The following THEMIS variants were observed in gnomAD, a reference collection of about 807,000 sequenced individuals.
THEMIS encodes protein THEMIS.
Under a neutral mutation model 52.6 loss-of-function variants are expected in THEMIS, and 37 were observed. The observed-to-expected ratio is 0.70, with a 90% CI of 0.54 to 0.93. The LOEUF (loss-of-function observed/expected upper bound fraction) is 0.93, where lower values mean the gene tolerates loss of function less well. Among genes scored for constraint, THEMIS ranks in the 40% least tolerant of loss-of-function variants. THEMIS has a pLI of 0.00. For synonymous variants in THEMIS, 292 were observed against 272.7 expected (o/e 1.07, Z -0.70); for missense variants, 808 against 763.1 (o/e 1.06, Z -0.69).
chr6:127,788,699 T>C (rs1421931718), intron 4 of THEMIS, among the ~76,000 whole-genome samples: 2 of 152,198 alleles, frequency 1.3e-5, no homozygotes, highest in Non-Finnish European at 2.9e-5. Flanking sequence ...ATTTCTTTCA[T>C]CATTAAAGAG....
At chr6:127,719,422 T>C (rs1774284288) in intron 5 of THEMIS, among the ~76,000 whole-genome samples, 1 of 151,962 alleles carries the variant, frequency 6.6e-6, no homozygotes, top group Non-Finnish European at 1.5e-5. Flanking sequence ...ATACAAGTAA[T>C]CTTGAAATAT....
chr6:127,905,316 A>C (rs1308085179), upstream of THEMIS, among the ~76,000 whole-genome samples: 1 of 152,040 alleles, frequency 6.6e-6, no homozygotes, highest in Non-Finnish European at 1.5e-5. Context: ...ACTAACAAAA[A>C]CCAATAAGGG....
In THEMIS at chr6:127,756,460, T is replaced by G. The variant is rs558627476; in HGVS notation, c.1759-36637A>C. ...TACTTTTGATAGGATAATAATAAAG[T>G]GATGAAAACGATCAATGTAAAAAAC... On this transcript the variant is annotated intron_variant, in intron 4 of 5. Coordinates refer to ENST00000368248, the MANE Select transcript of THEMIS (RefSeq NM_001010923.3). Among the ~76,000 whole-genome samples, 7 of 152,274 alleles carry G rather than the reference T, an allele frequency of 4.6e-5. No individual in the cohort carries two copies. The South Asian group carries it at 1.5e-3, about 32-fold the overall frequency.
intron 3 of THEMIS, among the ~76,000 whole-genome samples, chr6:127,819,241 A>C (rs950013029): frequency 6.6e-6 from 1 of 151,788 alleles, no homozygotes; most frequent in African/African-American, 2.4e-5. Context: ...AATGAGCTTG[A>C]AGATATGTCA....
At position 127,855,811 on chromosome 6, in the gene THEMIS, G is replaced by A. The variant is rs191927425; in HGVS notation, c.92-623C>T. 3.9e-5 allele frequency among the ~76,000 whole-genome samples: 6 copies of A among 151,912 alleles called. No individual in the cohort carries two copies. The East Asian group carries it at 9.7e-4, about 25-fold the overall frequency. The stretch of plus-strand genomic sequence containing the variant: ...CTTCATTTTAGTCAGTATTTCAATC[G>A]TCTTCTTGACAAACCTTTTATCATA... On this transcript the variant is annotated intron_variant, in intron 1 of 5. Coordinates refer to ENST00000368248, the MANE Select transcript of THEMIS (RefSeq NM_001010923.3).
chr6:127,770,282 C>T (rs1465423243), intron 4 of THEMIS, among the ~76,000 whole-genome samples: 1 of 152,188 alleles, frequency 6.6e-6, no homozygotes. Flanking sequence ...TCTCCAGCAC[C>T]TATTGTTTCC....
rs553160155 is a variant in THEMIS at position 127,847,930 on chromosome 6, T to C, written c.250+7100A>G. 2.7e-5 allele frequency among the ~76,000 whole-genome samples: 4 copies of C among 150,208 alleles called. No individual in the cohort carries two copies. In the East Asian group the frequency reaches 7.9e-4, roughly 29 times the overall value. ...ATTATTATTATTATCATTATTATTT[T>C]ATTATACTTTAAGTTTTAGGGTACA... On this transcript the variant is annotated intron_variant, in intron 2 of 5. Transcript: ENST00000368248.
intron 4 of THEMIS, among the ~76,000 whole-genome samples, chr6:127,800,862 G>C (rs1317855818): frequency 2.0e-5 from 3 of 152,178 alleles, no homozygotes; most frequent in African/African-American, 7.2e-5. Flanking sequence ...CCTGAAGATG[G>C]CCTATTGTGG....
At chr6:127,853,065 T>A (rs1455288095) in intron 2 of THEMIS, among the ~76,000 whole-genome samples, 1 of 151,634 alleles carries the variant, frequency 6.6e-6, no homozygotes, top group African/African-American at 2.4e-5. Flanking sequence ...CATTTTAACT[T>A]ACTAAATATT....
intron 3 of THEMIS, among the ~76,000 whole-genome samples, chr6:127,816,402 T>G (rs1020765780): frequency 1.3e-5 from 2 of 152,194 alleles, no homozygotes; most frequent in Admixed American, 1.3e-4. Flanking sequence ...CTACTTCAGA[T>G]CTCCACTTGG....
At chr6:127,718,419 G>A (rs987879554) in intron 5 of THEMIS, among the ~76,000 whole-genome samples, 1 of 151,816 alleles carries the variant, frequency 6.6e-6, no homozygotes, top group African/African-American at 2.4e-5. Flanking sequence ...GTGCTGCTCT[G>A]GTCTGTAACA....
chr6:127,873,790 T>C (rs1201854326), intron 1 of THEMIS, among the ~76,000 whole-genome samples: 1 of 152,204 alleles, frequency 6.6e-6, no homozygotes. Flanking sequence ...GTGTATTACA[T>C]ACCGTATTTT....
intron 4 of THEMIS, among the ~76,000 whole-genome samples, chr6:127,768,139 T>C (rs1485257644): frequency 2.0e-5 from 3 of 152,350 alleles, no homozygotes; most frequent in South Asian, 2.1e-4. Context: ...ACACACAATT[T>C]ACATCTGAGG....
rs958606390 is a variant in THEMIS at position 127,708,497 on chromosome 6, T to C, written c.*1488A>G. ...CTATTGTTTGAAAAATAACAAATTA[T>C]ATGAGTCTAAAAACACCTATGGTGC... On this transcript the variant is annotated 3_prime_UTR_variant, in exon 6 of 6. Transcript: ENST00000368248. 1 of 152,094 alleles carries C rather than the reference T, an allele frequency of 6.6e-6. No individual in the cohort carries two copies. The highest frequency in any genetic ancestry group is 2.4e-5 in the African/African-American group (1 of 41,434). 9.4% of individuals were successfully genotyped at this position (152,094 alleles called of 1,614,324 possible).
intron 1 of THEMIS, among the ~76,000 whole-genome samples, chr6:127,860,918 A>G (rs1226226872): frequency 6.6e-6 from 1 of 152,186 alleles, no homozygotes; most frequent in Non-Finnish European, 1.5e-5. Flanking sequence ...GGTTGTCATG[A>G]TAGAAGTCAT....
intron 4 of THEMIS, among the ~76,000 whole-genome samples, chr6:127,759,585 T>A (rs1373166525): frequency 6.6e-6 from 1 of 152,196 alleles, no homozygotes; most frequent in Non-Finnish European, 1.5e-5. Context: ...AGAGTCAACC[T>A]TAACACTTTA....
At chr6:127,876,639 TG>T (rs1472867258) in intron 1 of THEMIS, among the ~76,000 whole-genome samples, 8 of 152,194 alleles carry the variant, frequency 5.3e-5, no homozygotes, top group Non-Finnish European at 1.0e-4. Context: ...TTGCAAATAT[TG>T]TAGCATATTA....
intron 1 of THEMIS, among the ~76,000 whole-genome samples, chr6:127,879,754 G>C (rs186413909): frequency 1.1e-3 from 164 of 152,130 alleles, no homozygotes; most frequent in East Asian, 6.4e-3. Context: ...GGGGAAGAAG[G>C]ATGGAGAAGC....
chr6:127,813,769 G>T lies in THEMIS; in HGVS notation c.872C>A (p.Pro291His). The change falls in exon 4 of 6, where the codon CCT (proline) becomes CAT (histidine). Residue 291 changes from proline (P) to histidine (H), a missense_variant. By Grantham distance (77) the Pro-to-His change is moderately conservative (BLOSUM62 -2). Coordinates refer to ENST00000368248, the MANE Select transcript of THEMIS (RefSeq NM_001010923.3). ...FPIVTEVIEA[P>H]EGNHLPQSIL... ...GCTTTGGGGCAGGTGGTTTCCTTCAGGTGCTTCTATGACTTCAGTCACTAT... is the reference window on the plus strand; with the variant it reads ...GCTTTGGGGCAGGTGGTTTCCTTCATGTGCTTCTATGACTTCAGTCACTAT... 1.2e-6 allele frequency: 2 copies of T among 1,613,892 alleles called. No individual in the cohort carries two copies. Among genetic ancestry groups the T allele is most frequent in the Non-Finnish European group, 1.7e-6 (2 of 1,179,950 alleles).
Sources: allele counts gnomAD v4.1 joint callset (sites outside exome capture counted in the v4.1 genomes callset), GRCh38; gene constraint gnomAD v4.1.1; transcripts MANE v1.5; gene names NCBI Gene and HGNC (gene_info 2026-07-23, HGNC 2026-07-21).